The following LRRC4C variants were observed in gnomAD, a reference collection of about 807,000 sequenced individuals.
LRRC4C encodes leucine-rich repeat-containing protein 4C.
LRRC4C carries 5 observed loss-of-function variants against 33.6 expected under a neutral mutation model. The ratio of observed to expected loss-of-function variants is 0.15; its 90% confidence interval spans 0.08 to 0.31. LRRC4C has a LOEUF of 0.31. Among genes scored for constraint, LRRC4C ranks in the 10% least tolerant of loss-of-function variants. The probability of loss-of-function intolerance (pLI) is 1.00; values close to 1 mark genes in which losing one functional copy is unlikely to be tolerated. For missense variants in LRRC4C, 560 were observed against 796.7 expected, an observed-to-expected ratio of 0.70 and a Z score of 3.58; for synonymous variants, 329 against 302.0, an observed-to-expected ratio of 1.09 and a Z score of -0.93.
chr11:40,526,389 C>A (rs990559024), intron 3 of LRRC4C, among the ~76,000 whole-genome samples: 1 of 151,940 alleles, frequency 6.6e-6, no homozygotes, highest in African/African-American at 2.4e-5. Flanking sequence ...TATGAAATTG[C>A]CAAAATCACC....
intron 2 of LRRC4C, among the ~76,000 whole-genome samples, chr11:40,675,962 T>C (rs554787317): frequency 2.0e-4 from 31 of 152,300 alleles, no homozygotes; most frequent in Non-Finnish European, 3.7e-4. Context: ...TGGTCTTAGG[T>C]GTTGCTAAGA....
chr11:41,006,005 G>A (rs1420721312), intron 1 of LRRC4C, among the ~76,000 whole-genome samples: 1 of 151,120 alleles, frequency 6.6e-6, no homozygotes, highest in Middle Eastern at 3.2e-3. Context: ...TTCCTTCTCA[G>A]TTATTTAAAG....
At chr11:41,190,556 A>G (rs972455694) in intron 1 of LRRC4C, among the ~76,000 whole-genome samples, 1 of 152,158 alleles carries the variant, frequency 6.6e-6, no homozygotes, top group Non-Finnish European at 1.5e-5. Context: ...CACTGCATTT[A>G]TCACGGTCAG....
Position 40,582,768 on chromosome 11 carries a change from C to T in LRRC4C, c.-270+65374G>A, listed in dbSNP as rs549624053. Among the ~76,000 whole-genome samples, 30 of 152,066 alleles carry T rather than the reference C, an allele frequency of 2.0e-4. 1 individual carries two copies. The highest frequency in any genetic ancestry group is 5.9e-5 in the Non-Finnish European group (4 of 67,986). On this transcript the variant is annotated intron_variant, in intron 3 of 6. Coordinates refer to ENST00000528697, the MANE Select transcript of LRRC4C (RefSeq NM_001258419.2). Reference sequence around the variant, plus strand: ...CTAACCTCAGGTGATCCACCCACCTCGGCCTCCCAAAGTGCTGGGATTACA... The same window carrying T: ...CTAACCTCAGGTGATCCACCCACCTTGGCCTCCCAAAGTGCTGGGATTACA...
At chr11:40,782,472 C>T (rs985212468) in intron 2 of LRRC4C, among the ~76,000 whole-genome samples, 9 of 151,504 alleles carry the variant, frequency 5.9e-5, no homozygotes, top group Non-Finnish European at 1.3e-4. Flanking sequence ...GGAACTATAG[C>T]ATCTTTATTA....
At chr11:40,965,869 T>G (rs1025255419) in intron 1 of LRRC4C, among the ~76,000 whole-genome samples, 1 of 152,124 alleles carries the variant, frequency 6.6e-6, no homozygotes, top group African/African-American at 2.4e-5. Flanking sequence ...TTTGGTTCCA[T>G]ATGAATTTTA....
intron 1 of LRRC4C, among the ~76,000 whole-genome samples, chr11:41,216,432 C>CA (rs1947066582): frequency 1.4e-5 from 2 of 147,946 alleles, no homozygotes; most frequent in African/African-American, 5.0e-5. Flanking sequence ...ATAAAAATGA[C>CA]ATTTTTCTCT....
At chr11:40,577,875 G>C (rs1319415585) in intron 3 of LRRC4C, among the ~76,000 whole-genome samples, 1 of 129,090 alleles carries the variant, frequency 7.7e-6, no homozygotes, top group East Asian at 2.3e-4. Context: ...TCGCTCTGTC[G>C]CCCAGGCTGG....
chr11:41,306,454 C>T (rs1287961984), intron 1 of LRRC4C, among the ~76,000 whole-genome samples: 1 of 152,208 alleles, frequency 6.6e-6, no homozygotes, highest in African/African-American at 2.4e-5. Flanking sequence ...TTAAAAGGCT[C>T]TTTGGAAATG....
chr11:41,359,845 A>G (rs1012581128), intron 1 of LRRC4C, among the ~76,000 whole-genome samples: 3 of 152,144 alleles, frequency 2.0e-5, no homozygotes, highest in Non-Finnish European at 4.4e-5. Flanking sequence ...ATGCCTCATC[A>G]CTTTGAGAAG....
intron 1 of LRRC4C, among the ~76,000 whole-genome samples, chr11:41,090,390 T>C (rs1940325687): frequency 6.6e-6 from 1 of 152,136 alleles, no homozygotes; most frequent in African/African-American, 2.4e-5. Flanking sequence ...CTCTGTTTTC[T>C]CATTTCCTAT....
At chr11:41,051,520 CAAAAA>C (rs530003573) in intron 1 of LRRC4C, among the ~76,000 whole-genome samples, 13 of 60,286 alleles carry the variant, frequency 2.2e-4, no homozygotes, top group African/African-American at 3.5e-4. Flanking sequence ...GGTCTCAAGG[CAAAAA>C]AAAAAAAAAA....
chr11:40,755,496 T>G (rs1948904806), intron 2 of LRRC4C, among the ~76,000 whole-genome samples: 2 of 152,084 alleles, frequency 1.3e-5, no homozygotes, highest in African/African-American at 2.4e-5. Flanking sequence ...AGCTCCATTA[T>G]TAATAGCCTC....
chr11:40,633,139 G>A (rs980000494), intron 3 of LRRC4C, among the ~76,000 whole-genome samples: 7 of 152,002 alleles, frequency 4.6e-5, no homozygotes, highest in Non-Finnish European at 8.8e-5. Flanking sequence ...AATGAATACT[G>A]GATCAGGGAG....
At chr11:41,396,063 A>G (rs371444036) in intron 1 of LRRC4C, among the ~76,000 whole-genome samples, 5 of 151,970 alleles carry the variant, frequency 3.3e-5, no homozygotes, top group African/African-American at 1.2e-4. Flanking sequence ...TTTCGGCTCA[A>G]CGGCTATTGT....
At chr11:40,999,574 C>A (rs61887620) in intron 1 of LRRC4C, among the ~76,000 whole-genome samples, 1 of 151,964 alleles carries the variant, frequency 6.6e-6, no homozygotes, top group African/African-American at 2.4e-5. Flanking sequence ...AGGGAACAAC[C>A]GTCCCATAGG....
intron 5 of LRRC4C, among the ~76,000 whole-genome samples, chr11:40,235,134 G>T (rs1179567253): frequency 1.3e-5 from 2 of 152,168 alleles, no homozygotes; most frequent in Non-Finnish European, 2.9e-5. Flanking sequence ...TGGTTTTGTG[G>T]ATTATCCACA....
At chr11:40,242,665 G>A (rs908401745) in intron 4 of LRRC4C, among the ~76,000 whole-genome samples, 2 of 152,054 alleles carry the variant, frequency 1.3e-5, no homozygotes, top group African/African-American at 4.8e-5. Context: ...AAGTGAACCT[G>A]AAACACTGGG....
At chr11:40,269,573 T>A (rs1387908138) in intron 4 of LRRC4C, among the ~76,000 whole-genome samples, 1 of 152,248 alleles carries the variant, frequency 6.6e-6, no homozygotes, top group African/African-American at 2.4e-5. Flanking sequence ...CACTCCAAAC[T>A]GACAGTCACC....
Sources: gnomAD v4.1 joint callset for allele counts (sites outside exome capture counted in the v4.1 genomes callset) on GRCh38, gnomAD v4.1.1 for gene constraint, MANE v1.5 for transcripts, NCBI Gene and HGNC (gene_info 2026-07-23, HGNC 2026-07-21) for gene names.